Variants in PCDHA2 observed in about 807,000 individuals in gnomAD.
PCDHA2 encodes the protein protocadherin alpha-2.
In PCDHA2, 58 loss-of-function variants were observed where a neutral mutation model predicts 66.0. The ratio of observed to expected loss-of-function variants is 0.88; its 90% CI spans 0.71 to 1.09. The LOEUF (loss-of-function observed/expected upper bound fraction) is 1.09. PCDHA2 is among the 50% of genes least tolerant of loss of function. PCDHA2 has a pLI of 0.00. For missense variants in PCDHA2, 1,267 were observed against 1,242.3 expected, an observed-to-expected ratio of 1.02 and a Z score of -0.30; for synonymous variants, 634 against 554.0, an observed-to-expected ratio of 1.14 and a Z score of -2.03.
chr5:140,958,265 C>A (rs1010851166), intron 1 of PCDHA2, among the ~76,000 whole-genome samples: 1 of 151,680 alleles, frequency 6.6e-6, no homozygotes, highest in Admixed American at 6.6e-5. Flanking sequence ...TAATTTGGTA[C>A]AAGAAGTATA....
At chr5:140,857,543 G>A (rs782244721) in intron 1 of PCDHA2, 2 of 1,597,220 alleles carry the variant, frequency 1.3e-6, no homozygotes, top group Admixed American at 3.4e-5. Context: ...GCGGCGGTTG[G>A]GCGAGCGCTC....
intron 1 of PCDHA2, chr5:140,834,600 G>T: frequency 6.2e-7 from 1 of 1,614,148 alleles, no homozygotes; most frequent in Non-Finnish European, 8.5e-7. Context: ...ATTCCGTGGG[G>T]ATCTTCTGGA....
rs2150411326 is a variant in PCDHA2 at position 140,848,495 on chromosome 5, A to C, written c.2388+51143A>C. On this transcript the variant is annotated intron_variant, in intron 1 of 3. Transcript: ENST00000526136. ...AATTAGAAGAAGACTGAGTATTTGA[A>C]ATGTTATACTCAAGTCGAGGAGATC... is the stretch of plus-strand genomic sequence containing the variant. 86 of 1,576,710 alleles carry C rather than the reference A, an allele frequency of 5.5e-5. 9 individuals are homozygous for C. The highest frequency in any genetic ancestry group is 7.3e-5 in the Non-Finnish European group (84 of 1,155,398).
chr5:140,997,133 C>A (rs1554255761), intron 3 of PCDHA2, among the ~76,000 whole-genome samples: 3 of 152,090 alleles, frequency 2.0e-5, no homozygotes, highest in Non-Finnish European at 4.4e-5. Flanking sequence ...ACAATGCCCC[C>A]ACACCCCCGC....
intron 1 of PCDHA2, chr5:140,884,703 A>C: frequency 1.3e-6 from 2 of 1,495,534 alleles, no homozygotes; most frequent in Non-Finnish European, 1.8e-6. Flanking sequence ...TAAACACTTT[A>C]GCCTTCCTTG....
chr5:140,800,866 T>G (rs3756340), intron 1 of PCDHA2: 138,965 of 246,654 alleles, frequency 0.56, 40,144 homozygotes, highest in African/African-American at 0.7. Context: ...TCTAAGGAAA[T>G]ATTTAGATAA....
chr5:140,796,335 G>A lies in PCDHA2; in HGVS notation c.1371G>A (p.Gln457=). 6.2e-7 allele frequency: 1 copy of A among 1,614,080 alleles called. No homozygotes were observed. The highest frequency in any genetic ancestry group is 8.5e-7 in the Non-Finnish European group (1 of 1,179,980). ...ACGACAACGCGCCGGCGTTCGCACAGCCTGAGTACACAGTATTCGTGAAGG... is the reference window on the plus strand; with the variant it reads ...ACGACAACGCGCCGGCGTTCGCACAACCTGAGTACACAGTATTCGTGAAGG... ...DVNDNAPAFA[Q]PEYTVFVKEN... is the part of the protein sequence containing the mutation. Residue 457 remains glutamine (Q), a synonymous_variant, in exon 1 of 4, where the codon CAG becomes CAA. Transcript: ENST00000526136.
intron 1 of PCDHA2, chr5:140,856,366 G>A (rs1388631411): frequency 1.3e-6 from 2 of 1,598,482 alleles, no homozygotes; most frequent in Admixed American, 1.7e-5. Context: ...TCCACCTGGA[G>A]GTGATCGTGG....
Position 140,914,039 on chromosome 5 carries a change from G to A in PCDHA2, c.2389-64910G>A, listed in dbSNP as rs147787020. Among the ~76,000 whole-genome samples the A allele has an allele frequency of 2.0e-5, 3 of 152,238 alleles. No individual in the cohort carries two copies. In the East Asian group the frequency reaches 5.8e-4, roughly 29 times the overall value. ...ATGATCCACGTGCTGAGAAGAATGT[G>A]TATTCTGCAGCTGTTGGATGAAATG... is the stretch of plus-strand genomic sequence containing the variant. On this transcript the variant is annotated intron_variant, in intron 1 of 3. Coordinates refer to ENST00000526136, the MANE Select transcript of PCDHA2 (RefSeq NM_018905.3).
chr5:140,870,793 C>T, intron 1 of PCDHA2: 2 of 1,613,678 alleles, frequency 1.2e-6, no homozygotes, highest in Non-Finnish European at 1.7e-6. Context: ...CGCGCCGGCA[C>T]TGCTGGCGAC....
chr5:140,979,004 A>T lies in PCDHA2; in HGVS notation c.2444A>T (p.His815Leu). ...RYSASLRAGM[H>L]SSVHLEEAGI... Reference sequence around the variant, plus strand: ...TCTGCCTCCCTGAGAGCAGGCATGCACAGGTATGTATTTCCCTCCTCATTC... The same window carrying T: ...TCTGCCTCCCTGAGAGCAGGCATGCTCAGGTATGTATTTCCCTCCTCATTC... Residue 815 changes from histidine (H) to leucine (L), a missense_variant, in exon 2 of 4, where the codon CAC becomes CTC. His to Leu is a moderately conservative substitution (Grantham distance 99). Coordinates refer to ENST00000526136, the MANE Select transcript of PCDHA2 (RefSeq NM_018905.3). The T allele has an allele frequency of 6.2e-7, 1 of 1,614,144 alleles. No homozygotes were observed. Among genetic ancestry groups the T allele is most frequent in the South Asian group, 1.1e-5 (1 of 91,052 alleles).
At chr5:140,903,942 A>G (rs1279645269) in intron 1 of PCDHA2, among the ~76,000 whole-genome samples, 5 of 152,212 alleles carry the variant, frequency 3.3e-5, no homozygotes, top group African/African-American at 1.2e-4. Flanking sequence ...TACCTCTTAA[A>G]TACTGGAAAA....
intron 1 of PCDHA2, among the ~76,000 whole-genome samples, chr5:140,957,864 A>G (rs1554223166): frequency 6.6e-6 from 1 of 151,762 alleles, no homozygotes; most frequent in Admixed American, 6.6e-5. Flanking sequence ...TTTTTTTCCT[A>G]TTTTGTGCTG....
intron 1 of PCDHA2, among the ~76,000 whole-genome samples, chr5:140,844,021 G>A (rs2150368279): frequency 1.3e-5 from 2 of 149,470 alleles, no homozygotes; most frequent in East Asian, 1.9e-4. Flanking sequence ...GACGTTCAGG[G>A]CATTTTGATC....
At chr5:140,908,452 T>A (rs2073982140) in intron 1 of PCDHA2, among the ~76,000 whole-genome samples, 1 of 152,196 alleles carries the variant, frequency 6.6e-6, no homozygotes, top group African/African-American at 2.4e-5. Context: ...TATGGCTAGA[T>A]GGATCAGAAA....
At chr5:140,877,143 C>G (rs782522652) in intron 1 of PCDHA2, 2 of 1,613,668 alleles carry the variant, frequency 1.2e-6, no homozygotes, top group African/African-American at 2.7e-5. Context: ...TCGTGCTGGA[C>G]GAGAACGACA....
intron 1 of PCDHA2, chr5:140,856,255 A>G: frequency 2.5e-6 from 4 of 1,597,974 alleles, no homozygotes; most frequent in Non-Finnish European, 3.4e-6. Flanking sequence ...CGTCCAAAAG[A>G]CACGGGGACC....
intron 1 of PCDHA2, chr5:140,968,169 G>A (rs781969621): frequency 6.8e-6 from 11 of 1,613,982 alleles, no homozygotes; most frequent in African/African-American, 1.3e-5. Context: ...AATCCACCAA[G>A]CTTCCTGGAG....
At chr5:140,809,085 C>G (rs1554124989) in intron 1 of PCDHA2, 17 of 1,613,966 alleles carry the variant, frequency 1.1e-5, no homozygotes, top group Non-Finnish European at 1.4e-5. Context: ...GAGATCAGCA[C>G]AACGCGTGCC....
Sources: gnomAD v4.1 joint callset for allele counts (sites outside exome capture counted in the v4.1 genomes callset) on GRCh38, gnomAD v4.1.1 for gene constraint, MANE v1.5 for transcripts, NCBI Gene and HGNC (gene_info 2026-07-23, HGNC 2026-07-21) for gene names.